EEA1: variants seen among roughly 807,000 people sequenced by gnomAD.
The protein encoded by EEA1 is early endosome antigen 1.
In EEA1, 111 loss-of-function variants were observed where a neutral mutation model predicts 209.2. The ratio of observed to expected loss-of-function variants is 0.53; its 90% CI spans 0.45 to 0.62. EEA1 has a LOEUF of 0.62. Among genes scored for constraint, EEA1 ranks in the 20% least tolerant of loss-of-function variants. The pLI is 0.00. For missense variants in EEA1, 1,343 were observed against 1,530.8 expected, an observed-to-expected ratio of 0.88 and a Z score of 2.05; for synonymous variants, 536 against 540.6, an observed-to-expected ratio of 0.99 and a Z score of 0.12.
chr12:92,829,580 A>G (rs1876509354), intron 11 of EEA1, among the ~76,000 whole-genome samples: 1 of 151,984 alleles, frequency 6.6e-6, no homozygotes, highest in South Asian at 2.1e-4. Context: ...AGAGTTCGAG[A>G]CCAGCCTGGG....
chr12:92,775,027 A>C lies in EEA1; in HGVS notation c.*984T>G. On this transcript the variant is annotated 3_prime_UTR_variant, in exon 29 of 29. Transcript: ENST00000322349. ...AAGCTGATCTATGCTTGAAAATGTT[A>C]AACCAAATAAAGGAAAAAATCAGAT... The C allele has an allele frequency of 6.6e-6, 1 of 151,760 alleles. No individual in the cohort carries two copies. Among genetic ancestry groups the C allele is most frequent in the Non-Finnish European group, 1.5e-5 (1 of 67,698 alleles). 9.4% of individuals were successfully genotyped at this position (151,760 alleles called of 1,614,324 possible). A position where few individuals can be genotyped will look rare whatever the true frequency, so the allele number is the denominator to read the frequency against.
At chr12:92,900,590 ATGGATG>A (rs138306019) in intron 1 of EEA1, among the ~76,000 whole-genome samples, 2 of 152,142 alleles carry the variant, frequency 1.3e-5, no homozygotes, top group Non-Finnish European at 2.9e-5. Flanking sequence ...TGATACACTC[ATGGATG>A]TGGCAAAAAG....
intron 2 of EEA1, among the ~76,000 whole-genome samples, chr12:92,866,989 C>T (rs1170481817): frequency 6.6e-6 from 1 of 152,224 alleles, no homozygotes; most frequent in Non-Finnish European, 1.5e-5. Flanking sequence ...CTTGTCCACA[C>T]TCTGCAATAA....
chr12:92,824,009 C>G (rs1257152854), intron 13 of EEA1, among the ~76,000 whole-genome samples: 1 of 152,168 alleles, frequency 6.6e-6, no homozygotes, highest in African/African-American at 2.4e-5. Flanking sequence ...TCTTCCCATT[C>G]TCTCTTGAAC....
chr12:92,803,796 T>G (rs11834489), intron 18 of EEA1, among the ~76,000 whole-genome samples: 2,827 of 152,204 alleles, frequency 0.019, 96 homozygotes, highest in African/African-American at 0.063. Flanking sequence ...GGAAAAGTCA[T>G]TATACTAATA....
At chr12:92,914,030 A>C (rs1391282147) in intron 1 of EEA1, among the ~76,000 whole-genome samples, 2 of 152,210 alleles carry the variant, frequency 1.3e-5, no homozygotes, top group Non-Finnish European at 2.9e-5. Flanking sequence ...ATATGGGTCC[A>C]GCTTCATTCT....
intron 2 of EEA1, among the ~76,000 whole-genome samples, chr12:92,882,791 G>T (rs976009662): frequency 6.6e-6 from 1 of 152,172 alleles, no homozygotes; most frequent in Non-Finnish European, 1.5e-5. Context: ...TGGTATATAT[G>T]TACCATTTCT....
chr12:92,846,352 C>T (rs1283232956), intron 9 of EEA1, among the ~76,000 whole-genome samples: 1 of 152,108 alleles, frequency 6.6e-6, no homozygotes, highest in East Asian at 1.9e-4. Context: ...AAAGTACACA[C>T]TGAGCACATA....
intron 1 of EEA1, among the ~76,000 whole-genome samples, chr12:92,897,540 A>G (rs1879941238): frequency 6.6e-6 from 1 of 152,230 alleles, no homozygotes; most frequent in Non-Finnish European, 1.5e-5. Flanking sequence ...GCTGCTGCTC[A>G]GGCCCACTCC....
intron 2 of EEA1, among the ~76,000 whole-genome samples, chr12:92,891,205 G>A (rs1879643427): frequency 6.6e-6 from 1 of 151,720 alleles, no homozygotes; most frequent in Admixed American, 6.6e-5. Context: ...TTAATATAAT[G>A]TCTTTAATAT....
intron 1 of EEA1, among the ~76,000 whole-genome samples, chr12:92,893,687 A>C (rs1385697360): frequency 6.6e-6 from 1 of 152,236 alleles, no homozygotes; most frequent in African/African-American, 2.4e-5. Flanking sequence ...CCAAAATTCA[A>C]ATAATGATTT....
At chr12:92,875,371 G>C (rs1261008747) in intron 2 of EEA1, among the ~76,000 whole-genome samples, 1 of 152,156 alleles carries the variant, frequency 6.6e-6, no homozygotes, top group Non-Finnish European at 1.5e-5. Context: ...AGGAGGCAGA[G>C]ATTGCAGTGA....
intron 2 of EEA1, among the ~76,000 whole-genome samples, chr12:92,875,343 G>A (rs1416077472): frequency 6.6e-6 from 1 of 152,134 alleles, no homozygotes; most frequent in Non-Finnish European, 1.5e-5. Context: ...GGCTAAGGCA[G>A]GAGAATCTCT....
intron 18 of EEA1, among the ~76,000 whole-genome samples, chr12:92,806,581 T>A (rs1037468169): frequency 2.6e-5 from 4 of 152,168 alleles, no homozygotes; most frequent in Non-Finnish European, 5.9e-5. Flanking sequence ...ATCCATCTCA[T>A]ACAAACTATT....
At chr12:92,860,093 G>A (rs1469972066) in intron 3 of EEA1, among the ~76,000 whole-genome samples, 3 of 152,068 alleles carry the variant, frequency 2.0e-5, no homozygotes, top group South Asian at 2.1e-4. Flanking sequence ...GGACATACAC[G>A]CAAGGTTTTA....
Position 92,802,391 on chromosome 12 carries a change from G to GT in EEA1, c.2670+12dup. The GT allele has an allele frequency of 6.5e-7, 1 of 1,545,834 alleles. No individual in the cohort carries two copies. Among genetic ancestry groups the GT allele is most frequent in the Non-Finnish European group, 8.6e-7 (1 of 1,157,068 alleles). The stretch of plus-strand genomic sequence containing the variant: ...ATCACTTCTACCTAAGAAAGTAAAT[G>GT]TAAACTACTAACCAAGTCTAATATA... On this transcript the variant is annotated intron_variant, in intron 19 of 28. Transcript: ENST00000322349.
intron 2 of EEA1, among the ~76,000 whole-genome samples, chr12:92,885,357 A>T (rs1219651248): frequency 6.6e-6 from 1 of 152,228 alleles, no homozygotes; most frequent in Non-Finnish European, 1.5e-5. Context: ...TTAAAGGCAC[A>T]ATGTTAAAAC....
At chr12:92,858,375 T>C (rs572853738) in intron 3 of EEA1, 39 of 1,020,850 alleles carry the variant, frequency 3.8e-5, no homozygotes, top group Non-Finnish European at 5.8e-5. Flanking sequence ...TTCCAAAGGG[T>C]TTGACTACAA....
intron 18 of EEA1, among the ~76,000 whole-genome samples, chr12:92,805,771 T>C (rs1240591919): frequency 6.6e-6 from 1 of 152,194 alleles, no homozygotes; most frequent in Non-Finnish European, 1.5e-5. Flanking sequence ...AGCACTTCTA[T>C]GGCTATATAT....
Sources: allele counts gnomAD v4.1 joint callset (sites outside exome capture counted in the v4.1 genomes callset), GRCh38; gene constraint gnomAD v4.1.1; transcripts MANE v1.5; gene names NCBI Gene and HGNC (gene_info 2026-07-23, HGNC 2026-07-21).